Variants in TUSC3 observed in about 807,000 individuals in gnomAD.
TUSC3 encodes dolichyl-diphosphooligosaccharide--protein glycosyltransferase subunit TUSC3.
TUSC3 carries 45 observed loss-of-function variants against 44.8 expected under a neutral mutation model. That is an observed-to-expected ratio of 1.00 (90% CI 0.79 to 1.29). The LOEUF (loss-of-function observed/expected upper bound fraction) is 1.29, where lower values mean the gene tolerates loss of function less well. TUSC3 is among the 50% of genes most tolerant of loss of function. TUSC3 has a pLI of 0.00. For synonymous variants in TUSC3, 212 were observed against 152.9 expected, an observed-to-expected ratio of 1.39 and a Z score of -2.85; for missense variants, 519 against 437.9, an observed-to-expected ratio of 1.19 and a Z score of -1.65.
chr8:15,548,664 A>C (rs1360471372), intron 1 of TUSC3, among the ~76,000 whole-genome samples: 1 of 151,806 alleles, frequency 6.6e-6, no homozygotes, highest in Non-Finnish European at 1.5e-5. Context: ...ATTGTTTAGC[A>C]CATTTCAAAT....
intron 6 of TUSC3, among the ~76,000 whole-genome samples, chr8:15,687,251 A>G (rs912939541): frequency 6.6e-6 from 1 of 152,138 alleles, no homozygotes; most frequent in Non-Finnish European, 1.5e-5. Flanking sequence ...AGTAGTACAG[A>G]TACATCATGC....
At chr8:15,767,728 G>A (rs561176407), downstream of TUSC3, among the ~76,000 whole-genome samples, 57 of 152,176 alleles carry the variant, frequency 3.7e-4, no homozygotes, top group South Asian at 2.3e-3. Context: ...TCTTGCCTTC[G>A]GTTGACGTAA....
intron 1 of TUSC3, among the ~76,000 whole-genome samples, 155 bp from the exon 2 acceptor site, chr8:15,622,925 C>T (rs1169540782): frequency 2.6e-5 from 4 of 152,066 alleles, no homozygotes; most frequent in African/African-American, 9.7e-5. Flanking sequence ...TATGTCCTTT[C>T]TATCTTTCTA....
the TUSC3 span, among the ~76,000 whole-genome samples, chr8:15,796,606 T>A: frequency 5.9e-5 from 9 of 152,260 alleles, no homozygotes; most frequent in African/African-American, 2.2e-4. Flanking sequence ...AGCCAAACCA[T>A]CAGTGAACCA....
In TUSC3 at chr8:15,586,384, T is replaced by C. The variant is rs142911723; in HGVS notation, c.139-36696T>C. On this transcript the variant is annotated intron_variant, in intron 1 of 10. Coordinates refer to ENST00000503731, the MANE Select transcript of TUSC3 (RefSeq NM_006765.4). ...CATATTCAAAAGAGGAGTTGGTTCT[T>C]GGGTGGGGTGGGATGGAGAGACCAC... Among the ~76,000 whole-genome samples the C allele has an allele frequency of 3.0e-4, 46 of 152,146 alleles. 1 individual carries two copies. The highest frequency in any genetic ancestry group is 9.9e-4 in the African/African-American group (41 of 41,530).
chr8:15,756,798 G>A (rs1811946536), intron 9 of TUSC3, among the ~76,000 whole-genome samples: 1 of 152,148 alleles, frequency 6.6e-6, no homozygotes, highest in Non-Finnish European at 1.5e-5. Flanking sequence ...GTTCTTCATA[G>A]TTGAAGGTGT....
At chr8:15,499,780 A>G (rs569540932) in intron 2 of TUSC3, among the ~76,000 whole-genome samples, 40 of 152,224 alleles carry the variant, frequency 2.6e-4, no homozygotes, top group East Asian at 1.2e-3. Context: ...TCCCTACACC[A>G]TTAATGTTCT....
intron 1 of TUSC3, among the ~76,000 whole-genome samples, chr8:15,451,431 A>G (rs180910509): frequency 1.6e-4 from 24 of 152,218 alleles, no homozygotes; most frequent in Admixed American, 1.0e-3. Flanking sequence ...TTGATCACCA[A>G]TGGCCAATGA....
At chr8:15,663,226 A>C (rs1469419242) in intron 5 of TUSC3, among the ~76,000 whole-genome samples, 2 of 151,838 alleles carry the variant, frequency 1.3e-5, no homozygotes, top group Non-Finnish European at 2.9e-5. Context: ...TGAAATTGAG[A>C]CTAGATACAT....
At chr8:15,534,789 G>C (rs2129131092) in intron 2 of TUSC3, among the ~76,000 whole-genome samples, 1 of 152,134 alleles carries the variant, frequency 6.6e-6, no homozygotes, top group East Asian at 1.9e-4. Context: ...CAAATGTATA[G>C]ACAAAAAAGG....
intron 2 of TUSC3, among the ~76,000 whole-genome samples, chr8:15,643,793 T>G (rs1343347281): frequency 6.6e-6 from 1 of 152,194 alleles, no homozygotes; most frequent in Non-Finnish European, 1.5e-5. Flanking sequence ...GTGTTAGAAG[T>G]CTTTGTGCAG....
chr8:15,549,093 G>C (rs963444309), intron 1 of TUSC3, among the ~76,000 whole-genome samples: 2 of 151,754 alleles, frequency 1.3e-5, no homozygotes, highest in African/African-American at 4.8e-5. Flanking sequence ...CCAAGGAATG[G>C]GTAGAAGAAT....
intron 2 of TUSC3, among the ~76,000 whole-genome samples, chr8:15,493,720 A>G (rs529847159): frequency 2.0e-5 from 3 of 152,214 alleles, no homozygotes; most frequent in Non-Finnish European, 4.4e-5. Context: ...GACACTGCAT[A>G]TTGAAAAGCT....
At chr8:15,532,177 C>G (rs1050712204) in intron 2 of TUSC3, among the ~76,000 whole-genome samples, 1 of 152,054 alleles carries the variant, frequency 6.6e-6, no homozygotes, top group African/African-American at 2.4e-5. Flanking sequence ...CTCCTTTTTA[C>G]TTACTTTTGC....
chr8:15,470,514 T>A (rs1244880702), intron 1 of TUSC3, among the ~76,000 whole-genome samples: 3 of 152,136 alleles, frequency 2.0e-5, no homozygotes, highest in African/African-American at 7.2e-5. Flanking sequence ...TGATGTGTGA[T>A]GTTGATAGTA....
chr8:15,582,980 A>G (rs954605380), intron 1 of TUSC3, among the ~76,000 whole-genome samples: 3 of 152,356 alleles, frequency 2.0e-5, no homozygotes, highest in Middle Eastern at 3.4e-3. Flanking sequence ...TCTTACATTT[A>G]GAGATCTGTC....
chr8:15,475,146 A>G (rs985673138), intron 1 of TUSC3, among the ~76,000 whole-genome samples: 4 of 152,184 alleles, frequency 2.6e-5, no homozygotes, highest in African/African-American at 4.8e-5. Context: ...CTGAGGCACC[A>G]TGCTACACCT....
At chr8:15,446,177 G>T (rs2129119356) in intron 1 of TUSC3, among the ~76,000 whole-genome samples, 1 of 151,434 alleles carries the variant, frequency 6.6e-6, no homozygotes, top group South Asian at 2.1e-4. Context: ...CGGGGCATCG[G>T]GGCAGAGGCG....
intron 6 of TUSC3, among the ~76,000 whole-genome samples, chr8:15,720,221 CACACACACACACAG>C (rs991505720): frequency 2.7e-4 from 41 of 149,762 alleles, no homozygotes; most frequent in African/African-American, 9.5e-4. Context: ...CACACACACA[CACACACACACACAG>C]AGAGAACATT....
Sources: gnomAD v4.1 joint callset for allele counts (sites outside exome capture counted in the v4.1 genomes callset) on GRCh38, gnomAD v4.1.1 for gene constraint, MANE v1.5 for transcripts, NCBI Gene and HGNC (gene_info 2026-07-23, HGNC 2026-07-21) for gene names.